ASIC2: variants seen among roughly 807,000 people sequenced by gnomAD.
ASIC2 encodes the protein acid sensing ion channel subunit 2.
In ASIC2, 25 loss-of-function variants were observed where a neutral mutation model predicts 57.3. The observed-to-expected ratio is 0.44, with a 90% confidence interval of 0.32 to 0.61. ASIC2 has a LOEUF of 0.61. Among genes scored for constraint, ASIC2 ranks in the 20% least tolerant of loss-of-function variants. ASIC2 has a pLI of 0.06. For synonymous variants in ASIC2, 319 were observed against 307.5 expected, an observed-to-expected ratio of 1.04 and a Z score of -0.39; for missense variants, 641 against 738.1, an observed-to-expected ratio of 0.87 and a Z score of 1.52.
intron 1 of ASIC2, among the ~76,000 whole-genome samples, chr17:33,585,131 AG>A (rs1365701926): frequency 6.6e-6 from 1 of 152,132 alleles, no homozygotes; most frequent in Non-Finnish European, 1.5e-5. Context: ...TTGGGGTGGA[AG>A]GAGAGGGAAA....
chr17:33,516,568 T>C (rs1914578442), intron 1 of ASIC2, among the ~76,000 whole-genome samples: 1 of 152,156 alleles, frequency 6.6e-6, no homozygotes. Context: ...TGGTCTGGAG[T>C]GGACCCTGGA....
chr17:33,949,298 A>C (rs1567765763), intron 1 of ASIC2, among the ~76,000 whole-genome samples: 1 of 151,976 alleles, frequency 6.6e-6, no homozygotes, highest in Non-Finnish European at 1.5e-5. Context: ...TTCTCTGAGG[A>C]CCCTGCTCAG....
chr17:33,762,495 G>T (rs1332258634), intron 1 of ASIC2, among the ~76,000 whole-genome samples: 1 of 152,098 alleles, frequency 6.6e-6, no homozygotes, highest in Non-Finnish European at 1.5e-5. Context: ...ATGATGACCA[G>T]ACCATTATAG....
At chr17:33,609,680 A>G (rs1905334347) in intron 1 of ASIC2, among the ~76,000 whole-genome samples, 1 of 152,232 alleles carries the variant, frequency 6.6e-6, no homozygotes, top group Non-Finnish European at 1.5e-5. Flanking sequence ...TCCAAAATGT[A>G]AGCTCTGTGA....
intron 1 of ASIC2, among the ~76,000 whole-genome samples, chr17:33,887,053 C>G (rs1261369443): frequency 6.6e-6 from 1 of 152,164 alleles, no homozygotes; most frequent in African/African-American, 2.4e-5. Flanking sequence ...AAAACCTCAT[C>G]AAGTTAATTT....
chr17:34,015,611 T>C (rs1429456105), intron 1 of ASIC2, among the ~76,000 whole-genome samples: 2 of 152,222 alleles, frequency 1.3e-5, no homozygotes, highest in African/African-American at 2.4e-5. Flanking sequence ...AGCCCTCATC[T>C]TCATCATTTC....
intron 1 of ASIC2, among the ~76,000 whole-genome samples, chr17:33,914,069 G>A (rs544971426): frequency 7.2e-5 from 11 of 152,304 alleles, no homozygotes; most frequent in African/African-American, 2.2e-4. Flanking sequence ...GAAAGGGGGC[G>A]TAGAGTAGAG....
At chr17:33,368,378 G>A (rs1171617281) in intron 1 of ASIC2, among the ~76,000 whole-genome samples, 3 of 152,170 alleles carry the variant, frequency 2.0e-5, no homozygotes, top group African/African-American at 7.2e-5. Context: ...ACCACCAATG[G>A]GTGAAACTTC....
chr17:33,587,520 T>C (rs964917322), intron 1 of ASIC2, among the ~76,000 whole-genome samples: 14 of 152,236 alleles, frequency 9.2e-5, no homozygotes, highest in African/African-American at 3.1e-4. Flanking sequence ...AAACTGGCTT[T>C]CACATGCTCA....
At chr17:33,329,420 G>T (rs1005031117) in intron 1 of ASIC2, among the ~76,000 whole-genome samples, 1 of 152,194 alleles carries the variant, frequency 6.6e-6, no homozygotes, top group Non-Finnish European at 1.5e-5. Flanking sequence ...ACCTGCAGGG[G>T]ATAAGGAGGC....
Position 33,753,345 on chromosome 17 carries a change from C to G in ASIC2, c.555+402633G>C, listed in dbSNP as rs548383459. On this transcript the variant is annotated intron_variant, in intron 1 of 9. Coordinates refer to the ASIC2 transcript ENST00000359872. Reference sequence around the variant, plus strand: ...AGGGGTGAAGCTTGGGGGTGGGAGTCTTTTTGGCCAGTGAAACTATCCTGT... The same window carrying G: ...AGGGGTGAAGCTTGGGGGTGGGAGTGTTTTTGGCCAGTGAAACTATCCTGT... 6.9e-3 allele frequency among the ~76,000 whole-genome samples: 1,052 copies of G among 152,192 alleles called. 3 individuals are homozygous for G. The highest frequency in any genetic ancestry group is 0.011 in the Admixed American group (173 of 15,290).
intron 1 of ASIC2, among the ~76,000 whole-genome samples, chr17:33,316,608 C>T (rs902138189): frequency 6.6e-6 from 1 of 152,080 alleles, no homozygotes; most frequent in Non-Finnish European, 1.5e-5. Flanking sequence ...TTTAAGAAAG[C>T]CTTTTCTTCC....
intron 1 of ASIC2, among the ~76,000 whole-genome samples, chr17:33,804,919 G>A (rs977026241): frequency 7.3e-5 from 11 of 151,282 alleles, no homozygotes; most frequent in Non-Finnish European, 1.0e-4. Flanking sequence ...GGTCATAAAT[G>A]CATCTGATTA....
At chr17:33,126,799 G>C (rs1358547834) in intron 1 of ASIC2, among the ~76,000 whole-genome samples, 1 of 150,296 alleles carries the variant, frequency 6.7e-6, no homozygotes, top group Non-Finnish European at 1.5e-5. Context: ...TTTCCAGAAG[G>C]ATAATTGAGA....
intron 3 of ASIC2, among the ~76,000 whole-genome samples, chr17:33,071,063 T>G (rs1051914557): frequency 6.6e-6 from 1 of 152,170 alleles, no homozygotes; most frequent in Non-Finnish European, 1.5e-5. Context: ...TTTGAGCAAT[T>G]TCGGTATGAC....
chr17:33,526,975 C>G (rs1274328885), intron 1 of ASIC2, among the ~76,000 whole-genome samples: 2 of 152,212 alleles, frequency 1.3e-5, no homozygotes, highest in Non-Finnish European at 2.9e-5. Flanking sequence ...CAGATTATCT[C>G]TATTTTCCAG....
chr17:33,321,987 C>T (rs919229736), intron 1 of ASIC2, among the ~76,000 whole-genome samples: 3 of 152,298 alleles, frequency 2.0e-5, no homozygotes, highest in South Asian at 2.1e-4. Context: ...GCCATGGCTT[C>T]CCTGTCAGCT....
intron 1 of ASIC2, among the ~76,000 whole-genome samples, chr17:33,371,989 T>C (rs1909085183): frequency 6.6e-6 from 1 of 151,998 alleles, no homozygotes; most frequent in East Asian, 1.9e-4. Context: ...GGGGAGGCAG[T>C]GAGGGTGGTC....
intron 1 of ASIC2, among the ~76,000 whole-genome samples, chr17:34,060,164 A>G (rs868220522): frequency 3.8e-4 from 58 of 152,226 alleles, no homozygotes; most frequent in African/African-American, 1.4e-3. Context: ...GGTTCACATC[A>G]CAGGACCCTG....
Sources: gnomAD v4.1 joint callset for allele counts (sites outside exome capture counted in the v4.1 genomes callset) on GRCh38, gnomAD v4.1.1 for gene constraint, MANE v1.5 for transcripts, NCBI Gene and HGNC (gene_info 2026-07-23, HGNC 2026-07-21) for gene names.